Variants in STXBP5L observed in about 807,000 individuals in gnomAD.
The protein encoded by STXBP5L is syntaxin-binding protein 5-like.
In STXBP5L, 65 loss-of-function variants were observed where a neutral mutation model predicts 144.5. That is an observed-to-expected ratio of 0.45 (90% CI 0.37 to 0.55). STXBP5L has a LOEUF of 0.55. Ranked by LOEUF, STXBP5L falls within the 20% of genes least tolerant of loss-of-function variation. The pLI is 0.00. For synonymous variants in STXBP5L, 505 were observed against 469.6 expected, an observed-to-expected ratio of 1.08 and a Z score of -0.97; for missense variants, 1,298 against 1,405.5, an observed-to-expected ratio of 0.92 and a Z score of 1.22.
intron 20 of STXBP5L, among the ~76,000 whole-genome samples, chr3:121,376,322 C>A (rs1201325729): frequency 6.6e-6 from 1 of 152,122 alleles, no homozygotes; most frequent in Non-Finnish European, 1.5e-5. Context: ...TTCTTAACTG[C>A]ACAGTAAGAT....
chr3:121,133,112 G>T (rs889624124), intron 7 of STXBP5L, among the ~76,000 whole-genome samples: 1 of 152,144 alleles, frequency 6.6e-6, no homozygotes, highest in Admixed American at 6.6e-5. Context: ...GCTTATGCCT[G>T]TATTCCCTGC....
intron 3 of STXBP5L, among the ~76,000 whole-genome samples, chr3:120,984,323 T>C (rs1942081005): frequency 6.6e-6 from 1 of 152,170 alleles, no homozygotes; most frequent in Non-Finnish European, 1.5e-5. Context: ...TTTCTCCACT[T>C]CTCCTCCAAA....
chr3:121,150,262 G>T (rs1176770362), intron 7 of STXBP5L, among the ~76,000 whole-genome samples: 3 of 151,942 alleles, frequency 2.0e-5, no homozygotes, highest in African/African-American at 7.2e-5. Context: ...TGCCTTTATG[G>T]TACTTGCTTC....
chr3:121,135,952 G>A (rs2045236842), intron 7 of STXBP5L, among the ~76,000 whole-genome samples: 1 of 152,172 alleles, frequency 6.6e-6, no homozygotes, highest in Non-Finnish European at 1.5e-5. Context: ...GCATGTCCAG[G>A]TGCCAGACAG....
chr3:121,392,808 T>TATATATAA (rs2046628008), intron 22 of STXBP5L, among the ~76,000 whole-genome samples: 1 of 136,280 alleles, frequency 7.3e-6, no homozygotes, highest in Non-Finnish European at 1.6e-5. Context: ...TATATATATA[T>TATATATAA]CACATTTTTA....
At chr3:121,246,603 T>C (rs1387732751) in intron 14 of STXBP5L, among the ~76,000 whole-genome samples, 5 of 152,292 alleles carry the variant, frequency 3.3e-5, no homozygotes, top group African/African-American at 1.2e-4. Flanking sequence ...TTTAAAAATA[T>C]CTATAAGTTT....
rs190862137 is a variant in STXBP5L, at chr3:121,412,787, C to T, written c.2949-371C>T. Among the ~76,000 whole-genome samples the T allele has an allele frequency of 2.9e-3, 422 of 146,864 alleles. 3 individuals carry two copies. Among genetic ancestry groups the T allele is most frequent in the Admixed American group, 8.2e-3 (122 of 14,840 alleles). ...AAAAAAAGAAAGTCTAGTTTATTAC[C>T]ACTGAGCCTTGAAGATAAGAAGAAA... On this transcript the variant is annotated intron_variant, in intron 23 of 26. Coordinates refer to ENST00000471454, the MANE Select transcript of STXBP5L (RefSeq NM_001308330.2).
chr3:121,020,985 T>G (rs1300852996), intron 3 of STXBP5L, among the ~76,000 whole-genome samples: 1 of 152,026 alleles, frequency 6.6e-6, no homozygotes, highest in Non-Finnish European at 1.5e-5. Context: ...GCAAAATGGA[T>G]AAGAATTTAC....
chr3:121,401,776 G>A (rs2046881070), intron 22 of STXBP5L, among the ~76,000 whole-genome samples: 2 of 130,268 alleles, frequency 1.5e-5, no homozygotes, highest in Non-Finnish European at 3.2e-5. Flanking sequence ...GATAGCATTG[G>A]GAGATATACC....
chr3:121,347,260 T>A (rs918033157), intron 20 of STXBP5L, among the ~76,000 whole-genome samples: 1 of 152,180 alleles, frequency 6.6e-6, no homozygotes, highest in African/African-American at 2.4e-5. Flanking sequence ...ATCAGATAGT[T>A]GTAGATATGT....
At chr3:121,293,717 C>T (rs1471705228) in intron 19 of STXBP5L, among the ~76,000 whole-genome samples, 2 of 152,118 alleles carry the variant, frequency 1.3e-5, no homozygotes, top group Middle Eastern at 3.2e-3. Flanking sequence ...AAAAATTAGC[C>T]GGGTGTATTG....
chr3:120,959,178 G>A (rs866749551), intron 3 of STXBP5L, among the ~76,000 whole-genome samples: 22 of 152,084 alleles, frequency 1.4e-4, no homozygotes, highest in Admixed American at 9.2e-4. Flanking sequence ...AAAATACCTA[G>A]GAATCCAACT....
intron 22 of STXBP5L, among the ~76,000 whole-genome samples, chr3:121,391,309 C>A (rs2046577698): frequency 6.6e-6 from 1 of 152,084 alleles, no homozygotes; most frequent in Non-Finnish European, 1.5e-5. Context: ...AAGCTTTTTA[C>A]CTTCCTTGCA....
intron 20 of STXBP5L, among the ~76,000 whole-genome samples, chr3:121,364,401 C>T (rs1483435989): frequency 6.6e-6 from 1 of 151,320 alleles, no homozygotes; most frequent in Non-Finnish European, 1.5e-5. Context: ...CAACTTTATT[C>T]TTCTCTTTCA....
At chr3:121,315,799 C>T (rs1405515062) in intron 19 of STXBP5L, among the ~76,000 whole-genome samples, 5 of 151,798 alleles carry the variant, frequency 3.3e-5, no homozygotes. Flanking sequence ...GTCAGGAGTT[C>T]GAGACCAGCC....
Position 121,223,118 on chromosome 3 carries a change from G to T in STXBP5L, c.1072G>T (p.Val358Phe), listed in dbSNP as rs373254798. Reference protein sequence around the residue: ...ITVLEMDHPIVEFLTLCETPY... With the variant: ...ITVLEMDHPIFEFLTLCETPY... Reference sequence around the variant, plus strand: ...AGTACTTGAAATGGATCATCCTATTGTTGAATTTCTAACTTTATGTGAAAC... The same window carrying T: ...AGTACTTGAAATGGATCATCCTATTTTTGAATTTCTAACTTTATGTGAAAC... The change falls in exon 11 of 27, where the codon GTT becomes TTT. Residue 358 changes from valine (V) to phenylalanine (F), a missense_variant. Val to Phe is a conservative substitution (Grantham distance 50, BLOSUM62 -1). Transcript: ENST00000471454. 1 of 1,610,572 alleles carries T rather than the reference G, an allele frequency of 6.2e-7. No homozygotes were observed. Among genetic ancestry groups the T allele is most frequent in the Non-Finnish European group, 8.5e-7 (1 of 1,178,810 alleles).
intron 3 of STXBP5L, among the ~76,000 whole-genome samples, chr3:120,956,309 C>A (rs897286005): frequency 5.3e-5 from 8 of 151,802 alleles, no homozygotes; most frequent in African/African-American, 1.9e-4. Flanking sequence ...AACTCTACAC[C>A]CATTAAATTA....
At chr3:121,209,407 ATTTTTTTATG>A (rs1410607096) in intron 10 of STXBP5L, among the ~76,000 whole-genome samples, 17 of 151,976 alleles carry the variant, frequency 1.1e-4, no homozygotes, top group Admixed American at 9.8e-4. Context: ...AAGCATTCCT[ATTTTTTTATG>A]TTTTTTTATT....
At chr3:121,342,478 C>T (rs2044752363) in intron 20 of STXBP5L, among the ~76,000 whole-genome samples, 1 of 151,094 alleles carries the variant, frequency 6.6e-6, no homozygotes, top group African/African-American at 2.4e-5. Flanking sequence ...GGTATATCTC[C>T]CACAGCTATC....
Sources: allele counts gnomAD v4.1 joint callset (sites outside exome capture counted in the v4.1 genomes callset), GRCh38; gene constraint gnomAD v4.1.1; transcripts MANE v1.5; gene names NCBI Gene and HGNC (gene_info 2026-07-23, HGNC 2026-07-21).